SPTBN4: variants seen among roughly 807,000 people sequenced by gnomAD.
SPTBN4 encodes the protein spectrin beta chain, non-erythrocytic 4.
Under a neutral mutation model 277.8 loss-of-function variants are expected in SPTBN4, and 96 were observed. The observed-to-expected ratio is 0.35, with a 90% CI of 0.29 to 0.41. SPTBN4 has a LOEUF of 0.41. Among genes scored for constraint, SPTBN4 ranks in the 10% least tolerant of loss-of-function variants. SPTBN4 has a pLI of 1.00. For synonymous variants in SPTBN4, 1,481 were observed against 1,580.3 expected (o/e 0.94, Z 1.49); for missense variants, 3,006 against 3,595.7 (o/e 0.84, Z 4.19).
intron 11 of SPTBN4, 77 bp downstream of exon 11, chr19:40,503,010 C>A (rs1382235436): frequency 2.0e-6 from 3 of 1,524,748 alleles, no homozygotes; most frequent in Admixed American, 2.0e-5. Flanking sequence ...GAGAGGGAGA[C>A]TTGATCTTCT....
intron 35 of SPTBN4, 126 bp from the exon 36 acceptor site, chr19:40,575,285 C>A: frequency 8.8e-7 from 1 of 1,142,626 alleles, no homozygotes; most frequent in Non-Finnish European, 1.2e-6. Context: ...ACTGCATCAT[C>A]ATCATCATCC....
In SPTBN4 at chr19:40,519,234, A is replaced by C. The variant is rs577567024; in HGVS notation, c.2904-167A>C. On this transcript the variant is annotated intron_variant, in intron 15 of 35. Transcript: ENST00000598249. This position sits in a 1 kb window ranked among gnomAD's most constrained non-coding sequence, Gnocchi z 5.7. ...ATGTTGAGAATGGCTGCCCTAAGCAAAAGTGCTGCGTAGGGTTCCATTTTA... is the reference window on the plus strand; with the variant it reads ...ATGTTGAGAATGGCTGCCCTAAGCACAAGTGCTGCGTAGGGTTCCATTTTA... Among the ~76,000 whole-genome samples, 48 of 152,336 alleles carry C rather than the reference A, an allele frequency of 3.2e-4. No individual in the cohort carries two copies. Among genetic ancestry groups the C allele is most frequent in the Non-Finnish European group, 5.6e-4 (38 of 68,032 alleles).
chr19:40,567,929 G>T lies in SPTBN4; in HGVS notation c.6603G>T (p.Arg2201Ser). 6.6e-7 allele frequency: 1 copy of T among 1,518,994 alleles called. No individual in the cohort carries two copies. Among genetic ancestry groups the T allele is most frequent in the African/African-American group, 1.4e-5 (1 of 69,122 alleles). The allele number at this position is 1,518,994 out of a possible 1,614,324, so 94.1% of individuals were successfully genotyped here. The change falls in exon 31 of 36, where the codon AGG becomes AGT. Residue 2201 changes from arginine (R) to serine (S), a missense_variant. By Grantham distance (110) the Arg-to-Ser change is moderately radical (BLOSUM62 -1). Coordinates refer to ENST00000598249, the MANE Select transcript of SPTBN4 (RefSeq NM_020971.3). ...ACCGGCTGCCGGAGATCCCGGGGAG[G>T]GTGGAGCCCGCGGCCCTGCCGGCCG... ...RIDRLPEIPG[R>S]VEPAALPAAP...
At chr19:40,474,332 G>A (rs1487041146) in intron 2 of SPTBN4, among the ~76,000 whole-genome samples, 2 of 151,726 alleles carry the variant, frequency 1.3e-5, no homozygotes, top group African/African-American at 4.8e-5. Context: ...AATTAGAAAT[G>A]TGGATCTTGA....
chr19:40,504,266 G>T (rs554858261), intron 12 of SPTBN4, 134 bp downstream of exon 12: 1 of 900,308 alleles, frequency 1.1e-6, no homozygotes. Context: ...GAAAGCCAGG[G>T]AGACAAAAAG....
intron 18 of SPTBN4, among the ~76,000 whole-genome samples, chr19:40,531,639 T>TG (rs1049062129): frequency 6.7e-6 from 1 of 149,740 alleles, no homozygotes; most frequent in African/African-American, 2.5e-5. Flanking sequence ...TGGAGGGGGT[T>TG]GGGGGAGGCT....
intron 13 of SPTBN4, 135 bp from the exon 14 acceptor site, chr19:40,512,471 T>A: frequency 8.4e-7 from 1 of 1,188,858 alleles, no homozygotes; most frequent in Non-Finnish European, 1.1e-6. Flanking sequence ...CAGGGAAGGC[T>A]GCCTGGAGGA....
At chr19:40,495,155 A>C (rs573447800) in intron 6 of SPTBN4, among the ~76,000 whole-genome samples, 178 bp downstream of exon 6, 1 of 152,150 alleles carries the variant, frequency 6.6e-6, no homozygotes, top group South Asian at 2.1e-4. Flanking sequence ...ACATTTACAC[A>C]CAGGAACACA....
chr19:40,551,993 CAAA>C (rs751910923), intron 22 of SPTBN4, among the ~76,000 whole-genome samples: 4 of 96,134 alleles, frequency 4.2e-5, no homozygotes, highest in Admixed American at 1.1e-4. Context: ...GACCCTGTCT[CAAA>C]AAAAAAAAAA....
intron 35 of SPTBN4, among the ~76,000 whole-genome samples, chr19:40,574,807 A>T (rs192086462): frequency 2.1e-4 from 32 of 152,088 alleles, no homozygotes; most frequent in Admixed American, 5.9e-4. Flanking sequence ...TTGAGGTCAG[A>T]AGTTCAAGAC....
Position 40,575,555 on chromosome 19 carries a change from G to T in SPTBN4, c.7681G>T (p.Gly2561Trp), listed in dbSNP as rs1485590908. Residue 2561 changes from glycine (G) to tryptophan (W), a missense_variant, in exon 36 of 36, where the codon GGG (glycine) becomes TGG (tryptophan). Around this residue, in one of 5 missense-constraint regions of SPTBN4, gnomAD observed 630 missense variants for 677.6 expected, o/e 0.93. Coordinates refer to ENST00000598249, the MANE Select transcript of SPTBN4 (RefSeq NM_020971.3). ...GGAAGGCGGAGATCGCAGGGCCAGC[G>T]GGCGCAGGAAGTGACTTCCCACCCC... ...KREGGDRRAS[G>W]RRK 1 of 1,610,436 alleles carries T rather than the reference G, an allele frequency of 6.2e-7. No homozygotes were observed.
chr19:40,498,151 C>T lies in SPTBN4; in HGVS notation c.784+547C>T, dbSNP rs552452891. On this transcript the variant is annotated intron_variant, in intron 7 of 35. Coordinates refer to ENST00000598249, the MANE Select transcript of SPTBN4 (RefSeq NM_020971.3). The stretch of plus-strand genomic sequence containing the variant: ...ACAACTCCATCCTCATCCTCAGCTG[C>T]TTTTCCATTTCCAGTCTATCCCTAA... Among the ~76,000 whole-genome samples, 5 of 152,070 alleles carry T rather than the reference C, an allele frequency of 3.3e-5. No individual in the cohort carries two copies. The South Asian group carries it at 1.0e-3, about 32-fold the overall frequency.
chr19:40,561,584 G>A (rs2081042845), intron 27 of SPTBN4, among the ~76,000 whole-genome samples: 1 of 152,166 alleles, frequency 6.6e-6, no homozygotes, highest in African/African-American at 2.4e-5. Flanking sequence ...CACTTTGGGA[G>A]GCTGAGGCAG....
intron 1 of SPTBN4, among the ~76,000 whole-genome samples, chr19:40,472,158 C>G (rs1390919901): frequency 6.6e-6 from 1 of 152,116 alleles, no homozygotes; most frequent in Non-Finnish European, 1.5e-5. Context: ...ATCCGCCCGC[C>G]TCTGCCTCCC....
chr19:40,497,054 C>G (rs1210181504), intron 6 of SPTBN4, among the ~76,000 whole-genome samples: 2 of 123,372 alleles, frequency 1.6e-5, no homozygotes, highest in South Asian at 2.5e-4. Context: ...GCCTGGGTGA[C>G]AGAGCGAGAC....
At position 40,487,692 on chromosome 19, in the gene SPTBN4, T is replaced by G; in HGVS notation, c.170-5T>G. 1 of 1,609,784 alleles carries G rather than the reference T, an allele frequency of 6.2e-7. No homozygotes were observed. Among genetic ancestry groups the G allele is most frequent in the Non-Finnish European group, 8.5e-7 (1 of 1,177,858 alleles). On this transcript the variant is annotated splice_polypyrimidine_tract_variant and splice_region_variant and intron_variant, in intron 2 of 35. Transcript: ENST00000598249. ...CCTGGGGGCTCATCAGGGCCTCTCC[T>G]CCAGATGAGCGGGAAGCCGTGCAGA...
At chr19:40,542,800 TTTTTTTTGTTTTTG>T (rs371866937) in intron 20 of SPTBN4, among the ~76,000 whole-genome samples, 401 of 152,054 alleles carry the variant, frequency 2.6e-3, no homozygotes, top group African/African-American at 9.4e-3. Flanking sequence ...TTCTTTCCTT[TTTTTTTTGTTTTTG>T]TTTTTTTGTT....
At chr19:40,531,684 C>G (rs542298983) in intron 18 of SPTBN4, among the ~76,000 whole-genome samples, 3 of 150,966 alleles carry the variant, frequency 2.0e-5, no homozygotes, top group Non-Finnish European at 4.4e-5. Flanking sequence ...TCTCTAGTGC[C>G]GTGAGAGGGG....
At position 40,568,219 on chromosome 19, in the gene SPTBN4, G is replaced by C; in HGVS notation, c.6893G>C (p.Arg2298Pro). 1 of 1,603,602 alleles carries C rather than the reference G, an allele frequency of 6.2e-7. No homozygotes were observed. Among genetic ancestry groups the C allele is most frequent in the Middle Eastern group, 1.7e-4 (1 of 5,978 alleles). Reference protein sequence around the residue: ...QMERRRERRERRLERQESSEQ... With the variant: ...QMERRRERREPRLERQESSEQ... ...GAGCGGCGGCGCGAGCGGCGTGAGC[G>C]GCGCTTGGAGCGGCAGGAGTCCAGC... The change falls in exon 31 of 36, where the codon CGG (arginine) becomes CCG (proline). Residue 2298 changes from arginine to proline, a missense_variant. By Grantham distance (103) the Arg-to-Pro change is moderately radical (BLOSUM62 -2). This residue lies in a region of SPTBN4 where 630 missense variants were observed against 677.6 expected (regional missense o/e 0.93). Transcript: ENST00000598249.
Sources: allele counts gnomAD v4.1 joint callset (sites outside exome capture counted in the v4.1 genomes callset), GRCh38; gene constraint gnomAD v4.1.1; regional missense constraint gnomAD v4.1.1; non-coding constraint Gnocchi (gnomAD v3.1); transcripts MANE v1.5; gene names NCBI Gene and HGNC (gene_info 2026-07-23, HGNC 2026-07-21).